The following CUEDC1 variants were observed in gnomAD, a reference collection of about 807,000 sequenced individuals.
CUEDC1 encodes the protein CUE domain-containing protein 1.
Under a neutral mutation model 43.7 loss-of-function variants are expected in CUEDC1, and 30 were observed. The observed-to-expected ratio is 0.69, with a 90% confidence interval of 0.51 to 0.93. The LOEUF (loss-of-function observed/expected upper bound fraction) is 0.93, where lower values mean the gene tolerates loss of function less well. Ranked by LOEUF, CUEDC1 falls within the 40% of genes least tolerant of loss-of-function variation. The pLI is 0.00. For missense variants in CUEDC1, 486 were observed against 549.0 expected, an observed-to-expected ratio of 0.89 and a Z score of 1.15; for synonymous variants, 223 against 223.6, an observed-to-expected ratio of 1.00 and a Z score of 0.02.
At chr17:57,950,047 C>T (rs187126891) in intron 1 of CUEDC1, among the ~76,000 whole-genome samples, 3 of 152,316 alleles carry the variant, frequency 2.0e-5, no homozygotes, top group South Asian at 4.1e-4. Flanking sequence ...ATTCAACGAG[C>T]TAATCCATGT....
chr17:57,943,326 TG>T (rs980934507), intron 1 of CUEDC1, among the ~76,000 whole-genome samples: 17 of 152,348 alleles, frequency 1.1e-4, no homozygotes, highest in Admixed American at 2.0e-4. Flanking sequence ...CTCACTCATT[TG>T]CCTCTCCTTT....
intron 1 of CUEDC1, among the ~76,000 whole-genome samples, chr17:57,936,132 A>C (rs1247927858): frequency 6.6e-6 from 1 of 152,230 alleles, no homozygotes; most frequent in Non-Finnish European, 1.5e-5. Flanking sequence ...TCTCAGCCTC[A>C]ACCTGAATCT....
chr17:57,892,560 A>T (rs532282747), intron 1 of CUEDC1: 2 of 152,436 alleles, frequency 1.3e-5, no homozygotes, highest in African/African-American at 4.8e-5. Flanking sequence ...AGCAGACCCT[A>T]CGTCCATCTG....
intron 1 of CUEDC1, among the ~76,000 whole-genome samples, chr17:57,933,531 C>T (rs2074830631): frequency 6.6e-6 from 1 of 152,142 alleles, no homozygotes; most frequent in South Asian, 2.1e-4. Context: ...GGAGAATTTG[C>T]AAAGGGAGGA....
intron 1 of CUEDC1, among the ~76,000 whole-genome samples, chr17:57,904,103 G>T (rs113171402): frequency 7.2e-4 from 109 of 152,214 alleles, no homozygotes; most frequent in Middle Eastern, 3.4e-3. Flanking sequence ...CCTGCGTCTG[G>T]GAGAGATGAA....
At chr17:57,946,083 T>C (rs1353788479) in intron 1 of CUEDC1, among the ~76,000 whole-genome samples, 3 of 152,028 alleles carry the variant, frequency 2.0e-5, no homozygotes, top group African/African-American at 7.2e-5. Context: ...CTCAGAGAGA[T>C]TGAGTAACTT....
At chr17:57,896,797 GTCTC>G (rs1385323806) in intron 1 of CUEDC1, among the ~76,000 whole-genome samples, 1 of 122,646 alleles carries the variant, frequency 8.2e-6, no homozygotes, top group Admixed American at 9.4e-5. Context: ...TTGAGATGGA[GTCTC>G]TCTCTGTCAT....
Position 57,910,885 on chromosome 17 carries a change from C to A in CUEDC1, c.-315-25006G>T, listed in dbSNP as rs373403045. ...TGTCACCAGGCCTTCACAGTACCCC[C>A]TGGCTTTGCTCTGTTACCATGGCCA... On this transcript the variant is annotated intron_variant, in intron 1 of 10. Coordinates refer to ENST00000577830, the MANE Select transcript of CUEDC1 (RefSeq NM_001271875.2). Among the ~76,000 whole-genome samples, 6 of 152,256 alleles carry A rather than the reference C, an allele frequency of 3.9e-5. No individual in the cohort carries two copies. The South Asian group carries it at 1.2e-3, about 32-fold the overall frequency.
intron 2 of CUEDC1, among the ~76,000 whole-genome samples, chr17:57,884,594 GC>G (rs1358387553): frequency 1.3e-5 from 2 of 152,136 alleles, no homozygotes; most frequent in Admixed American, 6.5e-5. Context: ...CAGTTCCCTA[GC>G]CAGTGAGGCA....
At position 57,929,268 on chromosome 17, in the gene CUEDC1, T is replaced by G. The variant is rs190666410; in HGVS notation, c.-316+25957A>C. 1.6e-4 allele frequency among the ~76,000 whole-genome samples: 25 copies of G among 152,284 alleles called. No homozygotes were observed. In the East Asian group the frequency reaches 4.8e-3, roughly 29 times the overall value. On this transcript the variant is annotated intron_variant, in intron 1 of 10. Coordinates refer to ENST00000577830, the MANE Select transcript of CUEDC1 (RefSeq NM_001271875.2). The stretch of plus-strand genomic sequence containing the variant: ...CCCCTGCCCTATGAGGCAGGGGCAT[T>G]ATCATCTCCAATTTAGAGATGACAA...
At chr17:57,872,574 C>T in intron 5 of CUEDC1, 89 bp downstream of exon 5, 1 of 1,449,212 alleles carries the variant, frequency 6.9e-7, no homozygotes, top group Non-Finnish European at 9.4e-7. Context: ...CCCTCAGCCC[C>T]CAGCTCAGTG....
At chr17:57,867,560 C>T (rs1291431219) in intron 8 of CUEDC1, 145 bp from the exon 9 acceptor site, 6 of 700,686 alleles carry the variant, frequency 8.6e-6, no homozygotes, top group Non-Finnish European at 1.5e-5. Context: ...TAGTACTGTC[C>T]CCCAGGCTCA....
chr17:57,907,171 A>C (rs1379548985), intron 1 of CUEDC1, among the ~76,000 whole-genome samples: 1 of 152,148 alleles, frequency 6.6e-6, no homozygotes. Flanking sequence ...TGGCCTGCAG[A>C]GTCACGCATG....
chr17:57,927,688 G>A (rs1028725700), intron 1 of CUEDC1, among the ~76,000 whole-genome samples: 1 of 152,230 alleles, frequency 6.6e-6, no homozygotes. Flanking sequence ...CTCATCCAAA[G>A]AAAGCCTCAC....
In CUEDC1 at chr17:57,954,268, T is replaced by C. The variant is rs1235433031; in HGVS notation, c.-316+957A>G. ...TGGGGAGCACGGTGGATGGTCTTCT[T>C]GTATCCTCTATCGCCTCCAGGGCAT... On this transcript the variant is annotated intron_variant, in intron 1 of 10. Coordinates refer to ENST00000577830, the MANE Select transcript of CUEDC1 (RefSeq NM_001271875.2). This position sits in a 1 kb window ranked among gnomAD's most constrained non-coding sequence, Gnocchi z 4.3. Among the ~76,000 whole-genome samples, 1 of 152,012 alleles carries C rather than the reference T, an allele frequency of 6.6e-6. No homozygotes were observed. The highest frequency in any genetic ancestry group is 2.4e-5 in the African/African-American group (1 of 41,352).
intron 1 of CUEDC1, among the ~76,000 whole-genome samples, chr17:57,887,309 T>C (rs1181301097): frequency 6.6e-6 from 1 of 152,186 alleles, no homozygotes; most frequent in Non-Finnish European, 1.5e-5. Flanking sequence ...TGTAAATCAC[T>C]GCCAAGGTTG....
Position 57,883,113 on chromosome 17 carries a change from C to T in CUEDC1, c.336+2116G>A, listed in dbSNP as rs146113860. On this transcript the variant is annotated intron_variant, in intron 2 of 10. Coordinates refer to ENST00000577830, the MANE Select transcript of CUEDC1 (RefSeq NM_001271875.2). Reference sequence around the variant, plus strand: ...GGATCCATATTTTCCAATATTCCTTCCACCACCTACTCCAAGCAGATCAAA... The same window carrying T: ...GGATCCATATTTTCCAATATTCCTTTCACCACCTACTCCAAGCAGATCAAA... Among the ~76,000 whole-genome samples, 818 of 152,268 alleles carry T rather than the reference C, an allele frequency of 5.4e-3. 2 individuals are homozygous for T. Among genetic ancestry groups the T allele is most frequent in the Non-Finnish European group, 9.0e-3 (612 of 68,026 alleles).
chr17:57,868,313 GGGAAAGGCCA>G, intron 7 of CUEDC1, 70 bp from the exon 8 acceptor site: 2 of 1,426,080 alleles, frequency 1.4e-6, no homozygotes, highest in East Asian at 4.6e-5. Flanking sequence ...TCCCAGGTGT[GGGAAAGGCCA>G]GGGGAGGACC....
intron 2 of CUEDC1, 137 bp downstream of exon 2, chr17:57,885,092 T>C: frequency 7.0e-7 from 1 of 1,422,138 alleles, no homozygotes. Flanking sequence ...TGCTTGCTAA[T>C]TAGAACCCAG....
Sources: gnomAD v4.1 joint callset for allele counts (sites outside exome capture counted in the v4.1 genomes callset) on GRCh38, gnomAD v4.1.1 for gene constraint, Gnocchi (gnomAD v3.1) non-coding constraint, MANE v1.5 for transcripts, NCBI Gene and HGNC (gene_info 2026-07-23, HGNC 2026-07-21) for gene names.